The following RXFP1 variants were observed in gnomAD, a reference collection of about 807,000 sequenced individuals.
The protein encoded by RXFP1 is relaxin receptor 1.
Under a neutral mutation model 89.8 loss-of-function variants are expected in RXFP1, and 73 were observed. The observed-to-expected ratio is 0.81, with a 90% confidence interval of 0.67 to 0.99. RXFP1 has a LOEUF of 0.99. RXFP1 is among the 50% of genes least tolerant of loss of function. The pLI is 0.00. For synonymous variants in RXFP1, 277 were observed against 305.5 expected (o/e 0.91, Z 0.97); for missense variants, 793 against 895.5 (o/e 0.89, Z 1.46).
At chr4:158,571,865 G>A (rs1390237223) in intron 1 of RXFP1, among the ~76,000 whole-genome samples, 3 of 152,120 alleles carry the variant, frequency 2.0e-5, no homozygotes, top group African/African-American at 4.8e-5. Context: ...TCAATGTGGC[G>A]ATTCCCGCTC....
At chr4:158,575,455 T>G (rs1755993581) in intron 2 of RXFP1, among the ~76,000 whole-genome samples, 1 of 152,224 alleles carries the variant, frequency 6.6e-6, no homozygotes, top group South Asian at 2.1e-4. Flanking sequence ...TTGGACTGAA[T>G]GCTTGTGTCC....
In RXFP1 at chr4:158,621,146, T is replaced by A. The variant is rs915597446; in HGVS notation, c.755+3941T>A. Among the ~76,000 whole-genome samples, 11 of 151,244 alleles carry A rather than the reference T, an allele frequency of 7.3e-5. 1 individual carries two copies. The Middle Eastern group carries it at 0.017, about 235-fold the overall frequency. Reference sequence around the variant, plus strand: ...GTGAGACTCTGTCTCAAAAAAAAAATAAAAAATAAAAATTACCTGAGCATG... The same window carrying A: ...GTGAGACTCTGTCTCAAAAAAAAAAAAAAAAATAAAAATTACCTGAGCATG... On this transcript the variant is annotated intron_variant, in intron 9 of 17. Transcript: ENST00000307765.
intron 8 of RXFP1, among the ~76,000 whole-genome samples, chr4:158,614,481 C>A (rs1194407364): frequency 6.6e-6 from 1 of 152,210 alleles, no homozygotes; most frequent in Non-Finnish European, 1.5e-5. Context: ...GTACTTCCTG[C>A]TTCACTTTGT....
At chr4:158,599,092 A>G (rs949383867) in intron 3 of RXFP1, among the ~76,000 whole-genome samples, 2 of 151,542 alleles carry the variant, frequency 1.3e-5, no homozygotes, top group African/African-American at 2.4e-5. Context: ...TTTTTAAAAA[A>G]ATACATGAGC....
At chr4:158,639,497 T>C (rs1357701901) in intron 14 of RXFP1, among the ~76,000 whole-genome samples, 166 bp downstream of exon 14, 5 of 152,144 alleles carry the variant, frequency 3.3e-5, no homozygotes, top group African/African-American at 9.7e-5. Flanking sequence ...CCCAATGCAA[T>C]GGTACAAGGA....
intron 1 of RXFP1, among the ~76,000 whole-genome samples, chr4:158,549,865 G>A (rs1352752662): frequency 6.6e-6 from 1 of 152,206 alleles, no homozygotes; most frequent in Non-Finnish European, 1.5e-5. Context: ...CCCCTACTGG[G>A]GGGGTGCCTC....
In RXFP1 at chr4:158,646,936, A is replaced by AT; in HGVS notation, c.1491_1492insT (p.Val498CysfsTer22). Reference sequence around the variant, plus strand: ...GATCTTTGGCCATTCTGTCCACAGAAGTATCAGTTTTACTGTTAACATTTC... The same window carrying AT: ...GATCTTTGGCCATTCTGTCCACAGAATGTATCAGTTTTACTGTTAACATTTC... On this transcript the variant is annotated frameshift_variant, in exon 16 of 18. Coordinates refer to ENST00000307765, the MANE Select transcript of RXFP1 (RefSeq NM_021634.4). LOFTEE classifies it high-confidence loss of function. 6.2e-7 allele frequency: 1 copy of AT among 1,614,200 alleles called. No homozygotes were observed. Among genetic ancestry groups the AT allele is most frequent in the Non-Finnish European group, 8.5e-7 (1 of 1,180,018 alleles).
intron 2 of RXFP1, among the ~76,000 whole-genome samples, chr4:158,591,968 T>C (rs536892890): frequency 6.6e-6 from 1 of 152,192 alleles, no homozygotes; most frequent in African/African-American, 2.4e-5. Flanking sequence ...TGTGCAGAGA[T>C]CCCCAGAGAA....
intron 1 of RXFP1, among the ~76,000 whole-genome samples, chr4:158,535,032 G>A (rs59788029): frequency 0.029 from 4,372 of 150,070 alleles, 192 homozygotes; most frequent in African/African-American, 0.1. Flanking sequence ...TTTATAAAAC[G>A]AGAATTCCTA....
chr4:158,568,034 C>T (rs1754059399), intron 1 of RXFP1, among the ~76,000 whole-genome samples: 1 of 152,192 alleles, frequency 6.6e-6, no homozygotes, highest in African/African-American at 2.4e-5. Context: ...GCCATCAAGA[C>T]CACGAACCCA....
At chr4:158,558,557 C>A (rs1579597870) in intron 1 of RXFP1, among the ~76,000 whole-genome samples, 1 of 152,158 alleles carries the variant, frequency 6.6e-6, no homozygotes, top group South Asian at 2.1e-4. Flanking sequence ...TAAAGCTGAA[C>A]CAAATGTTCT....
intron 1 of RXFP1, chr4:158,544,037 G>A (rs1045763089): frequency 7.1e-6 from 7 of 985,056 alleles, no homozygotes; most frequent in Admixed American, 1.2e-4. Context: ...CATGAGATCG[G>A]ATCAATTCAG....
Position 158,645,063 on chromosome 4 carries a change from A to T in RXFP1, c.1270A>T (p.Ile424Phe). ...VVSAVTCFGNIFVICMRPYIR... is the reference protein window; with the variant it reads ...VVSAVTCFGNFFVICMRPYIR... ...ATCTGCAGTTACCTGCTTTGGAAACATTTTTGTCATTTGCATGCGACCTTA... is the reference window on the plus strand; with the variant it reads ...ATCTGCAGTTACCTGCTTTGGAAACTTTTTTGTCATTTGCATGCGACCTTA... The change falls in exon 15 of 18, where the codon ATT (isoleucine) becomes TTT (phenylalanine). Residue 424 changes from isoleucine (I) to phenylalanine (F), a missense_variant. Ile to Phe is a conservative substitution (Grantham distance 21). Transcript: ENST00000307765. 6.2e-7 allele frequency: 1 copy of T among 1,614,174 alleles called. No homozygotes were observed. The highest frequency in any genetic ancestry group is 1.1e-5 in the South Asian group (1 of 91,082).
rs765328717 is a variant in RXFP1 at position 158,647,115 on chromosome 4, A to G, written c.1670A>G (p.Tyr557Cys). Reference protein sequence around the residue: ...LSNKEFFKNYYGTNGVCFPLH... With the variant: ...LSNKEFFKNYCGTNGVCFPLH... ...AATAAGGAATTTTTCAAAAACTACT[A>G]TGGCACCAATGGAGTATGCTTCCCT... is the stretch of plus-strand genomic sequence containing the variant. The change falls in exon 16 of 18, where the codon TAT becomes TGT. Residue 557 changes from tyrosine (Y) to cysteine (C), a missense_variant. Transcript: ENST00000307765. 16 of 1,614,096 alleles carry G rather than the reference A, an allele frequency of 9.9e-6. No individual in the cohort carries two copies. In the South Asian group the frequency reaches 1.6e-4, roughly 17 times the overall value.
chr4:158,542,098 TA>T lies in RXFP1; in HGVS notation c.49+20074del, dbSNP rs1560973245. 4.3e-3 allele frequency among the ~76,000 whole-genome samples: 214 copies of T among 49,724 alleles called. 25 individuals are homozygous for T. Among genetic ancestry groups the T allele is most frequent in the South Asian group, 0.016 (27 of 1,662 alleles). The allele number at this position is 49,724 out of a possible 152,430, so 32.6% of individuals were successfully genotyped here. A position where few individuals can be genotyped will look rare whatever the true frequency, so the allele number is the denominator to read the frequency against. On this transcript the variant is annotated intron_variant, in intron 1 of 17. Coordinates refer to ENST00000307765, the MANE Select transcript of RXFP1 (RefSeq NM_021634.4). ...CCATGGCTATATATATATATATATA[TA>T]TATATATATATTTTTTTTTTAGTAG...
chr4:158,588,571 C>T (rs1438155859), intron 2 of RXFP1, among the ~76,000 whole-genome samples: 4 of 152,168 alleles, frequency 2.6e-5, no homozygotes, highest in Admixed American at 2.6e-4. Context: ...CACAATTGCT[C>T]CTATGTTTCT....
chr4:158,580,694 TTGTTGTC>T (rs1410971160), intron 2 of RXFP1, among the ~76,000 whole-genome samples: 10 of 152,236 alleles, frequency 6.6e-5, no homozygotes, highest in African/African-American at 1.7e-4. Context: ...GCGGCGGACT[TTGTTGTC>T]TGTTAGTAAT....
chr4:158,649,448 G>A (rs942094543), intron 17 of RXFP1, among the ~76,000 whole-genome samples: 1 of 151,936 alleles, frequency 6.6e-6, no homozygotes, highest in Non-Finnish European at 1.5e-5. Context: ...AACATTCTTG[G>A]CATTTAGAAA....
chr4:158,651,202 A>G (rs562398308), intron 17 of RXFP1, among the ~76,000 whole-genome samples: 1 of 152,294 alleles, frequency 6.6e-6, no homozygotes, highest in Non-Finnish European at 1.5e-5. Flanking sequence ...TGGTATTTCT[A>G]TATATATTAG....
Sources: allele counts gnomAD v4.1 joint callset (sites outside exome capture counted in the v4.1 genomes callset), GRCh38; gene constraint gnomAD v4.1.1; transcripts MANE v1.5; gene names NCBI Gene and HGNC (gene_info 2026-07-23, HGNC 2026-07-21).